STOX2: variants seen among roughly 807,000 people sequenced by gnomAD.
STOX2 encodes the protein storkhead-box protein 2.
Under a neutral mutation model 60.9 loss-of-function variants are expected in STOX2, and 28 were observed. The observed-to-expected ratio is 0.46, with a 90% CI of 0.34 to 0.63. STOX2 has a LOEUF of 0.63. STOX2 is among the 30% of genes least tolerant of loss of function. The pLI is 0.01. For synonymous variants in STOX2, 472 were observed against 463.9 expected (o/e 1.02, Z -0.22); for missense variants, 1,024 against 1,187.7 (o/e 0.86, Z 2.03).
At chr4:183,969,591 A>G (rs547034727) in intron 1 of STOX2, among the ~76,000 whole-genome samples, 1 of 151,900 alleles carries the variant, frequency 6.6e-6, no homozygotes, top group Non-Finnish European at 1.5e-5. Context: ...TTCATAATCT[A>G]TGAACTTTGA....
At position 184,005,322 on chromosome 4, in the gene STOX2, G is replaced by A. The variant is rs139576476; in HGVS notation, c.320-3836G>A. Among the ~76,000 whole-genome samples, 349 of 152,082 alleles carry A rather than the reference G, an allele frequency of 2.3e-3. 2 individuals are homozygous for A. The highest frequency in any genetic ancestry group is 7.8e-3 in the African/African-American group (323 of 41,502). On this transcript the variant is annotated intron_variant, in intron 2 of 3. Transcript: ENST00000308497. ...TAAAAAATACAAAAATTAGCTGGGC[G>A]TGTGGCACGCACCTGTAATCCCAGC...
intron 1 of STOX2, among the ~76,000 whole-genome samples, chr4:183,860,466 AAG>A (rs1740411522): frequency 2.6e-5 from 4 of 151,878 alleles, no homozygotes; most frequent in African/African-American, 9.6e-5. Context: ...AAAGAAGAAA[AAG>A]AAGAAAAAAT....
chr4:183,957,065 A>G (rs979757631), intron 1 of STOX2, among the ~76,000 whole-genome samples: 13 of 149,482 alleles, frequency 8.7e-5, no homozygotes, highest in African/African-American at 3.2e-4. Context: ...ATGATGAGTT[A>G]ATGGGTGCAG....
upstream of STOX2, among the ~76,000 whole-genome samples, chr4:183,904,881 G>A (rs1226923883): frequency 6.6e-6 from 1 of 152,134 alleles, no homozygotes; most frequent in Non-Finnish European, 1.5e-5. Flanking sequence ...TTGTTTTTGC[G>A]ATATCAGCCT....
At chr4:183,893,122 T>C (rs372470033) in intron 1 of STOX2, among the ~76,000 whole-genome samples, 33 of 146,646 alleles carry the variant, frequency 2.3e-4, no homozygotes, top group South Asian at 4.3e-4. Context: ...TTTTTTTTTT[T>C]CCCCTCTCCC....
At chr4:183,828,942 T>C (rs936167750) in intron 1 of STOX2, among the ~76,000 whole-genome samples, 3 of 152,100 alleles carry the variant, frequency 2.0e-5, no homozygotes, top group African/African-American at 7.2e-5. Context: ...TGCAGACACA[T>C]GTGTTTTGTC....
intron 2 of STOX2, among the ~76,000 whole-genome samples, chr4:184,003,937 T>A (rs1733702966): frequency 7.9e-6 from 1 of 126,000 alleles, no homozygotes; most frequent in African/African-American, 3.1e-5. Context: ...TTCCTTCCCT[T>A]CCTTCCTTTG....
intron 1 of STOX2, among the ~76,000 whole-genome samples, chr4:183,845,210 G>A (rs1739959281): frequency 1.3e-5 from 2 of 152,172 alleles, no homozygotes; most frequent in South Asian, 4.1e-4. Flanking sequence ...ACGGAGAGAT[G>A]GCTTCTGGGT....
chr4:184,022,855 A>T lies in STOX2; in HGVS notation c.*5571A>T, dbSNP rs369727379. 2.6e-5 allele frequency: 4 copies of T among 152,216 alleles called. No homozygotes were observed. The East Asian group carries it at 5.8e-4, about 22-fold the overall frequency. The allele number at this position is 152,216 out of a possible 1,614,324, so 9.4% of individuals were successfully genotyped here. On this transcript the variant is annotated 3_prime_UTR_variant, in exon 4 of 4. Transcript: ENST00000308497. Reference sequence around the variant, plus strand: ...ACATTGGAAGGGCAGAACACTGTGCAGTATCGTGCACACTTGCTGGGTTAG... The same window carrying T: ...ACATTGGAAGGGCAGAACACTGTGCTGTATCGTGCACACTTGCTGGGTTAG...
intron 1 of STOX2, among the ~76,000 whole-genome samples, chr4:183,932,628 A>G (rs948708113): frequency 2.6e-5 from 4 of 152,008 alleles, no homozygotes; most frequent in Non-Finnish European, 5.9e-5. Context: ...AGGGCTTTTA[A>G]TCCCTGTGAA....
intron 2 of STOX2, among the ~76,000 whole-genome samples, chr4:184,007,583 TAAGGTGGTACC>T (rs1246156425): frequency 6.6e-6 from 1 of 152,210 alleles, no homozygotes; most frequent in Non-Finnish European, 1.5e-5. Context: ...CTGAGCTGCC[TAAGGTGGTACC>T]AGCTGTCTTC....
chr4:184,017,208 C>T lies in STOX2; in HGVS notation c.2705C>T (p.Ala902Val), dbSNP rs1250261800. The stretch of plus-strand genomic sequence containing the variant: ...CCAGCCTTCAACTTCCGAGCGAGCG[C>T]GGAGCCCCCGACAAATGAAGCTGAG... ...AGPAFNFRAS[A>V]EPPTNEAEKL... The change falls in exon 4 of 4, where the codon GCG (alanine) becomes GTG (valine). Residue 902 changes from alanine (A) to valine (V), a missense_variant. By Grantham distance (64) the Ala-to-Val change is moderately conservative (BLOSUM62 0). Coordinates refer to ENST00000308497, the MANE Select transcript of STOX2 (RefSeq NM_020225.3). 13 of 1,611,572 alleles carry T rather than the reference C, an allele frequency of 8.1e-6. No individual in the cohort carries two copies. Among genetic ancestry groups the T allele is most frequent in the Middle Eastern group, 1.7e-4 (1 of 6,060 alleles).
chr4:183,991,584 C>T lies in STOX2; in HGVS notation c.167-9741C>T, dbSNP rs191885081. Among the ~76,000 whole-genome samples, 69 of 152,210 alleles carry T rather than the reference C, an allele frequency of 4.5e-4. 1 individual carries two copies. Among genetic ancestry groups the T allele is most frequent in the African/African-American group, 1.3e-3 (53 of 41,520 alleles). Reference sequence around the variant, plus strand: ...CTGGGATTACAGGCATCTGCCACCACGCCTGGCTAATTTTTTGTGTTTTTC... The same window carrying T: ...CTGGGATTACAGGCATCTGCCACCATGCCTGGCTAATTTTTTGTGTTTTTC... On this transcript the variant is annotated intron_variant, in intron 1 of 3. Transcript: ENST00000308497.
At chr4:183,957,173 A>G (rs1173103890) in intron 1 of STOX2, among the ~76,000 whole-genome samples, 1 of 149,466 alleles carries the variant, frequency 6.7e-6, no homozygotes, top group African/African-American at 2.4e-5. Context: ...AATAATAATA[A>G]TAATAATAAT....
intron 1 of STOX2, chr4:183,798,788 AGTGCTGCTTTGACTTGCT>A (rs1738692829): frequency 1.0e-6 from 1 of 985,322 alleles, no homozygotes; most frequent in African/African-American, 1.7e-5. Context: ...CCGCGTTTCC[AGTGCTGCTTTGACTTGCT>A]GGTTTTTATT....
Position 183,967,154 on chromosome 4 carries a change from G to A in STOX2, c.167-34171G>A, listed in dbSNP as rs547431353. Among the ~76,000 whole-genome samples the A allele has an allele frequency of 3.9e-4, 60 of 152,214 alleles. No homozygotes were observed. The South Asian group carries it at 0.012, about 30-fold the overall frequency. On this transcript the variant is annotated intron_variant, in intron 1 of 3. Transcript: ENST00000308497. ...GAGGTGGGCGGATCACCTGAGGTCG[G>A]GAGTTCAAGACCAGCCCGACCAACA...
At chr4:183,951,172 G>A (rs113661172) in intron 1 of STOX2, among the ~76,000 whole-genome samples, 8,965 of 148,272 alleles carry the variant, frequency 0.06, 567 homozygotes, top group East Asian at 0.13. Flanking sequence ...CCGAGATCGC[G>A]CCACTGCACT....
At chr4:183,874,824 G>A (rs1158185049) in intron 1 of STOX2, among the ~76,000 whole-genome samples, 4 of 149,004 alleles carry the variant, frequency 2.7e-5, no homozygotes, top group African/African-American at 9.9e-5. Context: ...TACGCGGGAG[G>A]CTGAGGCAGG....
chr4:183,994,175 G>T (rs1361715214), intron 1 of STOX2, among the ~76,000 whole-genome samples: 1 of 152,234 alleles, frequency 6.6e-6, no homozygotes, highest in African/African-American at 2.4e-5. Context: ...GTTTTCTGAA[G>T]AGTGTGCGGA....
Sources: allele counts gnomAD v4.1 joint callset (sites outside exome capture counted in the v4.1 genomes callset), GRCh38; gene constraint gnomAD v4.1.1; transcripts MANE v1.5; gene names NCBI Gene and HGNC (gene_info 2026-07-23, HGNC 2026-07-21).